DOCK2: variants seen among roughly 807,000 people sequenced by gnomAD.
The protein encoded by DOCK2 is dedicator of cytokinesis 2.
Under a neutral mutation model 248.9 loss-of-function variants are expected in DOCK2, and 87 were observed. The observed-to-expected ratio is 0.35, with a 90% confidence interval of 0.29 to 0.42. The LOEUF is 0.42. Among genes scored for constraint, DOCK2 ranks in the 10% least tolerant of loss-of-function variants. DOCK2 has a pLI of 1.00. For synonymous variants in DOCK2, 805 were observed against 821.6 expected, an observed-to-expected ratio of 0.98 and a Z score of 0.35; for missense variants, 1,747 against 2,300.2, an observed-to-expected ratio of 0.76 and a Z score of 4.92.
At chr5:170,031,827 C>T (rs1049436108) in intron 34 of DOCK2, among the ~76,000 whole-genome samples, 1 of 152,142 alleles carries the variant, frequency 6.6e-6, no homozygotes, top group Non-Finnish European at 1.5e-5. Flanking sequence ...AGAAAGAAAG[C>T]CAAGACCTTT....
chr5:169,675,436 A>T (rs1759276630), intron 6 of DOCK2, among the ~76,000 whole-genome samples: 1 of 152,240 alleles, frequency 6.6e-6, no homozygotes, highest in African/African-American at 2.4e-5. Flanking sequence ...GGGCTGTAGA[A>T]ATAAAAGTCC....
chr5:169,701,030 G>A (rs1034054601), intron 13 of DOCK2, among the ~76,000 whole-genome samples: 2 of 152,170 alleles, frequency 1.3e-5, no homozygotes, highest in Non-Finnish European at 1.5e-5. Context: ...TGAAGTTCCT[G>A]AAGTAACCTG....
At chr5:169,948,674 T>C (rs1776542086) in intron 27 of DOCK2, among the ~76,000 whole-genome samples, 2 of 151,024 alleles carry the variant, frequency 1.3e-5, no homozygotes, top group Non-Finnish European at 3.0e-5. Context: ...AGTGCAGTGG[T>C]GTGATTATGG....
intron 45 of DOCK2, 53 bp from the exon 46 acceptor site, chr5:170,069,084 C>A: frequency 6.5e-7 from 1 of 1,529,182 alleles, no homozygotes; most frequent in Non-Finnish European, 9.0e-7. Flanking sequence ...AAGAGATTGG[C>A]TGTGAAATGC....
intron 30 of DOCK2, among the ~76,000 whole-genome samples, chr5:170,006,277 G>A (rs1174378721): frequency 6.6e-6 from 1 of 152,162 alleles, no homozygotes; most frequent in Non-Finnish European, 1.5e-5. Context: ...AAGAAACTTT[G>A]GAGGACTTTG....
chr5:170,008,236 A>T (rs1416370236), intron 30 of DOCK2, among the ~76,000 whole-genome samples: 1 of 150,562 alleles, frequency 6.6e-6, no homozygotes, highest in African/African-American at 2.5e-5. Context: ...AAAAAAAAAA[A>T]AACCTAAAAT....
chr5:170,042,372 C>A (rs912521335), intron 38 of DOCK2, among the ~76,000 whole-genome samples: 1 of 152,170 alleles, frequency 6.6e-6, no homozygotes, highest in Non-Finnish European at 1.5e-5. Context: ...TCCACTACCC[C>A]CAACAGATCA....
At chr5:169,645,779 A>ACT (rs1409697228) in intron 1 of DOCK2, among the ~76,000 whole-genome samples, 2 of 151,694 alleles carry the variant, frequency 1.3e-5, no homozygotes, top group African/African-American at 4.8e-5. Context: ...ACAGAGTCTC[A>ACT]CTCTGTCTCC....
chr5:170,054,337 G>T (rs1311844450), intron 41 of DOCK2, among the ~76,000 whole-genome samples: 1 of 152,230 alleles, frequency 6.6e-6, no homozygotes, highest in Non-Finnish European at 1.5e-5. Flanking sequence ...CGTGGGTAAA[G>T]AAGAAATGGG....
intron 27 of DOCK2, among the ~76,000 whole-genome samples, chr5:169,860,310 A>G (rs1001994786): frequency 6.6e-6 from 1 of 151,892 alleles, no homozygotes; most frequent in Admixed American, 6.6e-5. Context: ...AAACCACTGC[A>G]GCTTCACGGA....
At chr5:170,078,499 G>T (rs1042807547) in intron 48 of DOCK2, among the ~76,000 whole-genome samples, 6 of 152,158 alleles carry the variant, frequency 3.9e-5, no homozygotes, top group African/African-American at 1.4e-4. Flanking sequence ...GAGCAACCCA[G>T]CACTTACCAT....
At chr5:169,951,003 C>T (rs1487068154) in intron 27 of DOCK2, among the ~76,000 whole-genome samples, 1 of 152,112 alleles carries the variant, frequency 6.6e-6, no homozygotes, top group Non-Finnish European at 1.5e-5. Flanking sequence ...TTTAGATTTC[C>T]AGCTGCTCCG....
chr5:169,704,950 T>G (rs1318858192), intron 14 of DOCK2, among the ~76,000 whole-genome samples: 2 of 152,060 alleles, frequency 1.3e-5, no homozygotes, highest in Non-Finnish European at 2.9e-5. Flanking sequence ...TCACTTGAGG[T>G]CAGGAGTTTG....
chr5:169,681,315 G>C (rs897215296), intron 6 of DOCK2, among the ~76,000 whole-genome samples: 4 of 151,298 alleles, frequency 2.6e-5, no homozygotes, highest in Non-Finnish European at 5.9e-5. Flanking sequence ...GTAGAGACAG[G>C]GTTTCACCAT....
rs755897573 is a variant in DOCK2 at position 170,079,142 on chromosome 5, A to G, written c.5162A>G (p.Lys1721Arg). 6.2e-7 allele frequency: 1 copy of G among 1,613,278 alleles called. No homozygotes were observed. Among genetic ancestry groups the G allele is most frequent in the Non-Finnish European group, 8.5e-7 (1 of 1,179,928 alleles). ...AAAGCAGCTGCAGAGTCGGACCTGA[A>G]GCGGGTGAGTGGCTGAGGCAGATTG... The part of the protein sequence containing the change: ...DEKAAAESDL[K>R]RLSRKHEFMS... Residue 1721 changes from lysine (K) to arginine (R), a missense_variant, in exon 49 of 52, where the codon AAG becomes AGG. Lys to Arg is a conservative substitution (Grantham distance 26, BLOSUM62 2). Around this residue, in one of 4 missense-constraint regions of DOCK2, gnomAD observed 513 missense variants for 586.1 expected, o/e 0.88. Coordinates refer to ENST00000520908, the MANE Select transcript of DOCK2 (RefSeq NM_004946.3).
intron 22 of DOCK2, among the ~76,000 whole-genome samples, chr5:169,745,959 C>G (rs1226449258): frequency 6.6e-6 from 1 of 152,082 alleles, no homozygotes; most frequent in Non-Finnish European, 1.5e-5. Context: ...ATGAGGAGCC[C>G]TAGGCACGTA....
intron 22 of DOCK2, among the ~76,000 whole-genome samples, chr5:169,727,640 C>T (rs1406044407): frequency 4.6e-5 from 7 of 152,208 alleles, no homozygotes; most frequent in Non-Finnish European, 7.3e-5. Flanking sequence ...GGTGTACACA[C>T]TAAGCTATTG....
chr5:169,986,920 G>T (rs1178882363), intron 29 of DOCK2, among the ~76,000 whole-genome samples: 1 of 152,200 alleles, frequency 6.6e-6, no homozygotes, highest in Non-Finnish European at 1.5e-5. Context: ...CAGAATAAGG[G>T]GAGAAGTTAA....
At chr5:170,054,750 G>A (rs13358993) in intron 41 of DOCK2, among the ~76,000 whole-genome samples, 48,845 of 152,026 alleles carry the variant, frequency 0.32, 8,608 homozygotes, top group African/African-American at 0.47. Context: ...ACAAACTTAC[G>A]GGTAATGCTG....
Sources: allele counts gnomAD v4.1 joint callset (sites outside exome capture counted in the v4.1 genomes callset), GRCh38; gene constraint gnomAD v4.1.1; regional missense constraint gnomAD v4.1.1; transcripts MANE v1.5; gene names NCBI Gene and HGNC (gene_info 2026-07-23, HGNC 2026-07-21).